TAF8: variants seen among roughly 807,000 people sequenced by gnomAD.
TAF8 encodes transcription initiation factor TFIID subunit 8.
Under a neutral mutation model 36.5 loss-of-function variants are expected in TAF8, and 47 were observed. The ratio of observed to expected loss-of-function variants is 1.29; its 90% CI spans 1.02 to 1.64. The LOEUF is 1.64. Among genes scored for constraint, TAF8 ranks in the 40% most tolerant of loss-of-function variants. The pLI, the probability that TAF8 is intolerant of heterozygous loss-of-function variation, is 0.00. For synonymous variants in TAF8, 175 were observed against 159.5 expected, an observed-to-expected ratio of 1.10 and a Z score of -0.73; for missense variants, 420 against 407.6, an observed-to-expected ratio of 1.03 and a Z score of -0.26.
chr6:42,067,009 C>T (rs1219001210), intron 6 of TAF8, among the ~76,000 whole-genome samples: 3 of 152,176 alleles, frequency 2.0e-5, no homozygotes, highest in Admixed American at 6.5e-5. Context: ...ATACTGTGCT[C>T]ATCATTTCCC....
At position 42,057,522 on chromosome 6, in the gene TAF8, T is replaced by G; in HGVS notation, c.489+9T>G. The G allele has an allele frequency of 6.2e-7, 1 of 1,614,134 alleles. No individual in the cohort carries two copies. The highest frequency in any genetic ancestry group is 8.5e-7 in the Non-Finnish European group (1 of 1,180,024). On this transcript the variant is annotated intron_variant, in intron 5 of 8. Coordinates refer to ENST00000372977, the MANE Select transcript of TAF8 (RefSeq NM_138572.3). ...CCTACATCAAAACTCCGGTGAGTGA[T>G]GAAGCACTGGGACTGCGCGTGGTGT... is the stretch of plus-strand genomic sequence containing the variant.
At chr6:42,086,997 G>C, downstream of TAF8, 1 of 580,900 alleles carries the variant, frequency 1.7e-6, no homozygotes, top group South Asian at 2.1e-5. Context: ...GAGTTCTGCC[G>C]TGCCCTCTGA....
At chr6:42,064,745 C>T (rs1472673186) in intron 5 of TAF8, among the ~76,000 whole-genome samples, 3 of 150,510 alleles carry the variant, frequency 2.0e-5, no homozygotes, top group Non-Finnish European at 4.4e-5. Context: ...ATCACAAGGT[C>T]AGGAGATCGA....
Position 42,052,317 on chromosome 6 carries a change from G to GCC in TAF8, c.202+814_202+815dup, listed in dbSNP as rs59000289. Among the ~76,000 whole-genome samples, 1,157 of 138,522 alleles carry GCC rather than the reference G, an allele frequency of 8.4e-3. 28 individuals are homozygous for GCC. Among genetic ancestry groups the GCC allele is most frequent in the African/African-American group, 0.028 (1,013 of 35,846 alleles). The allele number at this position is 138,522 out of a possible 152,430, so 90.9% of individuals were successfully genotyped here. On this transcript the variant is annotated intron_variant, in intron 2 of 8. Transcript: ENST00000372977. ...GTGATACAAAGAATGAAGGGGAAAAGCCCCCCCCCCCTTTTTTTTTTTGAG... is the reference window on the plus strand; with the variant it reads ...GTGATACAAAGAATGAAGGGGAAAAGCCCCCCCCCCCCCTTTTTTTTTTTGAG...
chr6:42,083,300 A>G (rs1765972923), downstream of TAF8: 1 of 152,212 alleles, frequency 6.6e-6, no homozygotes, highest in African/African-American at 2.4e-5. Flanking sequence ...TAGTTCTACC[A>G]TAACTTATTT....
At chr6:42,050,611 G>A (rs201815488) in intron 1 of TAF8, 25 bp downstream of exon 1, 1 of 1,540,058 alleles carries the variant, frequency 6.5e-7, no homozygotes, top group Middle Eastern at 1.7e-4. Flanking sequence ...CGCGGGCTCG[G>A]AGCCGAGAGA....
At chr6:42,070,393 G>C (rs1333018310) in intron 7 of TAF8, among the ~76,000 whole-genome samples, 1 of 152,140 alleles carries the variant, frequency 6.6e-6, no homozygotes, top group East Asian at 1.9e-4. Context: ...TTGGGAGCCC[G>C]GGGCAGGAGA....
intron 2 of TAF8, among the ~76,000 whole-genome samples, chr6:42,052,910 C>T (rs1582211060): frequency 2.0e-5 from 3 of 152,254 alleles, no homozygotes; most frequent in Admixed American, 2.0e-4. Context: ...TGAAAAGGCC[C>T]TGCCTTTATA....
rs1380886085 is a variant in TAF8 at position 42,082,465 on chromosome 6, A to C, written c.*4920A>C. 3.9e-5 allele frequency: 6 copies of C among 152,292 alleles called. No individual in the cohort carries two copies. Among genetic ancestry groups the C allele is most frequent in the African/African-American group, 1.4e-4 (6 of 41,450 alleles). The allele number at this position is 152,292 out of a possible 1,614,324, so 9.4% of individuals were successfully genotyped here. ...GAGATTCTCCTGCCTCAGCCTCCCAAGTAGCTGGGATTACAGGCATGTGCC... is the reference window on the plus strand; with the variant it reads ...GAGATTCTCCTGCCTCAGCCTCCCACGTAGCTGGGATTACAGGCATGTGCC... On this transcript the variant is annotated 3_prime_UTR_variant, in exon 9 of 9. Transcript: ENST00000372977.
At chr6:42,060,893 T>C (rs1765166890) in intron 5 of TAF8, among the ~76,000 whole-genome samples, 1 of 152,242 alleles carries the variant, frequency 6.6e-6, no homozygotes, top group Non-Finnish European at 1.5e-5. Flanking sequence ...AGGAACAATA[T>C]GCTGTAAATT....
In TAF8 at chr6:42,050,534, A is replaced by G. The variant is rs1255529711; in HGVS notation, c.-8A>G. On this transcript the variant is annotated 5_prime_UTR_variant, in exon 1 of 9. Transcript: ENST00000372977. The stretch of plus-strand genomic sequence containing the variant: ...GCCCCGCGCTCGCGCACACTACGCC[A>G]GAACAAGATGGCCGACGCGGCGGCC... The G allele has an allele frequency of 2.3e-6, 3 of 1,318,772 alleles. No individual in the cohort carries two copies. 81.7% of individuals were successfully genotyped at this position (1,318,772 alleles called of 1,614,324 possible). A position where few individuals can be genotyped will look rare whatever the true frequency, so the allele number is the denominator to read the frequency against.
In TAF8 at chr6:42,078,872, A is replaced by G. The variant is rs1765840378; in HGVS notation, c.*1327A>G. ...CGCAGTGGCTCACGCCTGTAATCCC[A>G]GCACTTCGGGAGGCGAAGGCAGGTG... On this transcript the variant is annotated 3_prime_UTR_variant, in exon 9 of 9. Coordinates refer to ENST00000372977, the MANE Select transcript of TAF8 (RefSeq NM_138572.3). 2.3e-5 allele frequency: 23 copies of G among 983,730 alleles called. No individual in the cohort carries two copies. In the South Asian group the frequency reaches 8.9e-4, roughly 38 times the overall value. The allele number at this position is 983,730 out of a possible 1,614,324, so 60.9% of individuals were successfully genotyped here. A position where few individuals can be genotyped will look rare whatever the true frequency, so the allele number is the denominator to read the frequency against.
intron 2 of TAF8, among the ~76,000 whole-genome samples, chr6:42,054,890 C>T (rs1369251820): frequency 6.6e-6 from 1 of 151,532 alleles, no homozygotes; most frequent in Non-Finnish European, 1.5e-5. Context: ...CAGGCGTGAG[C>T]CACCACACCT....
At chr6:42,051,601 A>G in intron 2 of TAF8, 88 bp downstream of exon 2, 2 of 1,467,262 alleles carry the variant, frequency 1.4e-6, no homozygotes, top group Middle Eastern at 2.3e-4. Context: ...AGGATTTAAG[A>G]AACAAACTTT....
At chr6:42,055,259 C>T (rs1562009680) in intron 2 of TAF8, among the ~76,000 whole-genome samples, 1 of 152,238 alleles carries the variant, frequency 6.6e-6, no homozygotes, top group Non-Finnish European at 1.5e-5. Context: ...TATGCTATAA[C>T]ATTACCAGAA....
In TAF8 at chr6:42,055,744, G is replaced by C. The variant is rs1375557794; in HGVS notation, c.301+115G>C. ...CCTCATGGTTCTCTTGAATTGCTTT[G>C]AGCTTGAGAGAGTTATCAAGAGAGA... On this transcript the variant is annotated intron_variant, in intron 3 of 8. Coordinates refer to ENST00000372977, the MANE Select transcript of TAF8 (RefSeq NM_138572.3). The C allele has an allele frequency of 3.5e-6, 3 of 856,768 alleles. No homozygotes were observed. The East Asian group carries it at 7.5e-5, about 21-fold the overall frequency. 53.1% of individuals were successfully genotyped at this position (856,768 alleles called of 1,614,324 possible).
chr6:42,086,635 A>T, downstream of TAF8: 1 of 1,389,182 alleles, frequency 7.2e-7, no homozygotes, highest in Non-Finnish European at 1.0e-6. Context: ...CTCCAATGCC[A>T]GAAGCTGCCC....
At chr6:42,052,393 C>T (rs1206188092) in intron 2 of TAF8, among the ~76,000 whole-genome samples, 3 of 147,432 alleles carry the variant, frequency 2.0e-5, no homozygotes, top group African/African-American at 7.5e-5. Context: ...ACAATCTCAG[C>T]TCACTGCAGC....
At chr6:42,065,123 A>G (rs1765317211) in intron 5 of TAF8, among the ~76,000 whole-genome samples, 1 of 152,044 alleles carries the variant, frequency 6.6e-6, no homozygotes, top group Non-Finnish European at 1.5e-5. Context: ...AGGTGGGTGG[A>G]TCATCTGAGG....
Sources: allele counts gnomAD v4.1 joint callset (sites outside exome capture counted in the v4.1 genomes callset), GRCh38; gene constraint gnomAD v4.1.1; transcripts MANE v1.5; gene names NCBI Gene and HGNC (gene_info 2026-07-23, HGNC 2026-07-21).